The following DISP1 variants were observed in gnomAD, a reference collection of about 807,000 sequenced individuals.
DISP1 encodes the protein protein dispatched homolog 1.
A neutral mutation model predicts 37.3 loss-of-function variants in DISP1; 30 were observed. The ratio of observed to expected loss-of-function variants is 0.80; its 90% confidence interval spans 0.60 to 1.09. The LOEUF (loss-of-function observed/expected upper bound fraction) is 1.09. DISP1 is among the 50% of genes least tolerant of loss of function. The probability of loss-of-function intolerance (pLI) is 0.00; values close to 1 mark genes in which losing one functional copy is unlikely to be tolerated. For synonymous variants in DISP1, 634 were observed against 690.2 expected, an observed-to-expected ratio of 0.92 and a Z score of 1.28; for missense variants, 1,598 against 1,879.5, an observed-to-expected ratio of 0.85 and a Z score of 2.77.
intron 1 of DISP1, among the ~76,000 whole-genome samples, chr1:222,895,638 G>A (rs1296559129): frequency 6.6e-6 from 1 of 152,174 alleles, no homozygotes; most frequent in African/African-American, 2.4e-5. Context: ...AGAATAAAGA[G>A]TCCTGAAAGA....
intron 1 of DISP1, among the ~76,000 whole-genome samples, chr1:222,863,882 A>G (rs1218981958): frequency 6.6e-6 from 1 of 152,100 alleles, no homozygotes. Context: ...TTGGTGTAAT[A>G]AGATAGTCTA....
chr1:222,834,578 A>G (rs1666559037), intron 1 of DISP1, among the ~76,000 whole-genome samples: 1 of 152,218 alleles, frequency 6.6e-6, no homozygotes, highest in South Asian at 2.1e-4. Context: ...GGTAGGGCAC[A>G]CTAAGCTTAT....
chr1:222,938,616 C>G (rs1040159269), intron 2 of DISP1, among the ~76,000 whole-genome samples: 6 of 151,314 alleles, frequency 4.0e-5, no homozygotes, highest in Admixed American at 3.3e-4. Context: ...GCCTATGGTC[C>G]CAGCTACATA....
At chr1:222,918,067 A>G (rs574077563) in intron 1 of DISP1, among the ~76,000 whole-genome samples, 2 of 152,324 alleles carry the variant, frequency 1.3e-5, no homozygotes, top group South Asian at 4.1e-4. Flanking sequence ...GTGCTAATCA[A>G]TGCCATTCAA....
intron 8 of DISP1, among the ~76,000 whole-genome samples, chr1:222,995,511 A>G (rs1053686258): frequency 3.3e-5 from 5 of 152,178 alleles, no homozygotes; most frequent in Non-Finnish European, 7.3e-5. Context: ...ACAGTAATCC[A>G]ATCCAAACTG....
At position 223,004,331 on chromosome 1, in the gene DISP1, T is replaced by C; in HGVS notation, c.2934T>C (p.Asp978=). The change falls in exon 9 of 9, where the codon GAT becomes GAC. Residue 978 remains aspartate (D), a synonymous_variant. Transcript: ENST00000675850. The surrounding 1 kb of genome is among the most constrained non-coding windows in gnomAD (Gnocchi z 4.9). ...ATCTGGAGTTCTATGACCTCCAGGA[T>C]AGCCTCTCCGATGGCACCCTCATTG... ...VSNLEFYDLQ[D]SLSDGTLIAM... 6.2e-7 allele frequency: 1 copy of C among 1,614,230 alleles called. No individual in the cohort carries two copies. Among genetic ancestry groups the C allele is most frequent in the Non-Finnish European group, 8.5e-7 (1 of 1,180,038 alleles).
chr1:222,968,141 T>C (rs777963979), intron 3 of DISP1, among the ~76,000 whole-genome samples: 7 of 152,126 alleles, frequency 4.6e-5, no homozygotes, highest in Non-Finnish European at 7.4e-5. Flanking sequence ...ACAGCACACA[T>C]AAAACTTCCA....
At chr1:222,940,776 G>A (rs935663170) in intron 2 of DISP1, among the ~76,000 whole-genome samples, 1 of 152,190 alleles carries the variant, frequency 6.6e-6, no homozygotes, top group African/African-American at 2.4e-5. Context: ...CATCAGCTGT[G>A]ATAGTTTAAC....
chr1:222,936,897 T>TA (rs1491542918), intron 2 of DISP1, among the ~76,000 whole-genome samples: 25 of 41,174 alleles, frequency 6.1e-4, no homozygotes, highest in South Asian at 4.5e-3. Context: ...TAATATATTA[T>TA]TTATATATAA....
chr1:222,953,891 G>A (rs1222830559), intron 3 of DISP1, among the ~76,000 whole-genome samples: 1 of 152,026 alleles, frequency 6.6e-6, no homozygotes, highest in Non-Finnish European at 1.5e-5. Context: ...TAGAATATGA[G>A]GCTTGGTCAT....
chr1:222,827,710 T>C (rs960026803), intron 1 of DISP1: 2 of 152,210 alleles, frequency 1.3e-5, no homozygotes, highest in African/African-American at 4.8e-5. Flanking sequence ...TTTTATTTTA[T>C]ATGCATTGTT....
chr1:222,966,472 CATT>C (rs1676501447), intron 3 of DISP1, among the ~76,000 whole-genome samples: 1 of 152,150 alleles, frequency 6.6e-6, no homozygotes, highest in African/African-American at 2.4e-5. Context: ...AGGAGTCACT[CATT>C]AATAGGATTA....
chr1:222,846,021 G>A (rs1448700390), intron 1 of DISP1, among the ~76,000 whole-genome samples: 1 of 152,166 alleles, frequency 6.6e-6, no homozygotes, highest in Non-Finnish European at 1.5e-5. Context: ...CTAACCTAAG[G>A]TCTTGAAGAT....
At chr1:222,993,593 A>G (rs1490427560) in intron 7 of DISP1, among the ~76,000 whole-genome samples, 2 of 152,170 alleles carry the variant, frequency 1.3e-5, no homozygotes, top group African/African-American at 4.8e-5. Context: ...AGAACCTTAT[A>G]CTGATCCCAG....
chr1:222,916,980 A>G (rs1439448305), intron 1 of DISP1, among the ~76,000 whole-genome samples: 1 of 152,196 alleles, frequency 6.6e-6, no homozygotes, highest in Non-Finnish European at 1.5e-5. Flanking sequence ...AGGAATGCTG[A>G]GGGAATTCAC....
intron 1 of DISP1, among the ~76,000 whole-genome samples, chr1:222,875,488 A>G (rs978637640): frequency 4.0e-5 from 6 of 151,650 alleles, no homozygotes; most frequent in Non-Finnish European, 8.8e-5. Context: ...GCCTCTCTTG[A>G]CCTTTGAAAG....
intron 1 of DISP1, among the ~76,000 whole-genome samples, chr1:222,851,318 C>G (rs181465377): frequency 6.6e-6 from 1 of 151,914 alleles, no homozygotes; most frequent in Non-Finnish European, 1.5e-5. Context: ...CGCCCGCCTC[C>G]GCCTCCCAAA....
At chr1:222,855,849 G>A (rs1228505164) in intron 1 of DISP1, among the ~76,000 whole-genome samples, 7 of 149,144 alleles carry the variant, frequency 4.7e-5, no homozygotes, top group Non-Finnish European at 3.0e-5. Flanking sequence ...TATCTAATGC[G>A]ACTGGAATTT....
At chr1:222,944,041 G>C (rs1163773306) in intron 3 of DISP1, among the ~76,000 whole-genome samples, 2 of 151,784 alleles carry the variant, frequency 1.3e-5, no homozygotes, top group African/African-American at 4.8e-5. Flanking sequence ...CAAGAAAAAA[G>C]AAACAACAAC....
Sources: allele counts gnomAD v4.1 joint callset (sites outside exome capture counted in the v4.1 genomes callset), GRCh38; gene constraint gnomAD v4.1.1; non-coding constraint Gnocchi (gnomAD v3.1); transcripts MANE v1.5; gene names NCBI Gene and HGNC (gene_info 2026-07-23, HGNC 2026-07-21).